WDPCP: variants seen among roughly 807,000 people sequenced by gnomAD.
WDPCP encodes WD repeat containing planar cell polarity effector, also known as WD repeat-containing and planar cell polarity effector protein fritz homolog.
A neutral mutation model predicts 93.1 loss-of-function variants in WDPCP; 71 were observed. The observed-to-expected ratio is 0.76, with a 90% CI of 0.63 to 0.93. The LOEUF is 0.93. Among genes scored for constraint, WDPCP ranks in the 40% least tolerant of loss-of-function variants. WDPCP has a pLI of 0.00. For missense variants in WDPCP, 844 were observed against 887.4 expected, an observed-to-expected ratio of 0.95 and a Z score of 0.62; for synonymous variants, 315 against 315.0, an observed-to-expected ratio of 1.00 and a Z score of 0.00.
At chr2:63,479,837 C>T (rs1457312779) in intron 6 of WDPCP, among the ~76,000 whole-genome samples, 2 of 151,954 alleles carry the variant, frequency 1.3e-5, no homozygotes, top group African/African-American at 4.8e-5. Context: ...AGGATGCTGA[C>T]TCTCAACACT....
chr2:63,626,677 C>CAG (rs1265038694), intron 3 of WDPCP, among the ~76,000 whole-genome samples: 9 of 152,152 alleles, frequency 5.9e-5, no homozygotes, highest in Non-Finnish European at 1.0e-4. Context: ...CAGGAAACAA[C>CAG]AGATGATGGA....
chr2:63,382,658 T>TATC (rs924366365), intron 10 of WDPCP, among the ~76,000 whole-genome samples: 2 of 152,062 alleles, frequency 1.3e-5, no homozygotes, highest in Admixed American at 6.6e-5. Context: ...TTTTTATTAC[T>TATC]ATCATCATCA....
intron 14 of WDPCP, among the ~76,000 whole-genome samples, chr2:63,253,590 C>G (rs1680910426): frequency 6.6e-6 from 1 of 152,120 alleles, no homozygotes; most frequent in African/African-American, 2.4e-5. Context: ...ATGACATGAA[C>G]AATCATTACT....
chr2:63,336,222 G>A (rs927843143), intron 12 of WDPCP, among the ~76,000 whole-genome samples: 3 of 152,056 alleles, frequency 2.0e-5, no homozygotes, highest in Admixed American at 2.0e-4. Context: ...CCTCTCTTGG[G>A]GTCTGGATCA....
At chr2:63,838,306 T>C in the WDPCP span, among the ~76,000 whole-genome samples, 3 of 152,144 alleles carry the variant, frequency 2.0e-5, no homozygotes, top group Non-Finnish European at 4.4e-5. Context: ...AGCTCCTGTC[T>C]AAAGCAAAGG....
intron 3 of WDPCP, among the ~76,000 whole-genome samples, chr2:63,616,169 G>T (rs1272204499): frequency 6.6e-6 from 1 of 152,154 alleles, no homozygotes; most frequent in Non-Finnish European, 1.5e-5. Flanking sequence ...ACTTACAGAG[G>T]TGAGAATCTA....
chr2:63,562,306 G>A (rs181387010), intron 1 of WDPCP, among the ~76,000 whole-genome samples: 262 of 152,228 alleles, frequency 1.7e-3, no homozygotes, highest in Non-Finnish European at 2.8e-3. Flanking sequence ...ACTTATAAGT[G>A]GGAGCTGAAC....
At chr2:63,409,050 G>T (rs2105243321) in intron 9 of WDPCP, among the ~76,000 whole-genome samples, 1 of 152,282 alleles carries the variant, frequency 6.6e-6, no homozygotes. Flanking sequence ...TACCACAGCT[G>T]ATGCTCTCTG....
intron 2 of WDPCP, among the ~76,000 whole-genome samples, chr2:63,695,111 AT>A (rs1668946326): frequency 6.6e-6 from 1 of 152,178 alleles, no homozygotes; most frequent in Non-Finnish European, 1.5e-5. Flanking sequence ...TACTTGTCTT[AT>A]TTCCCTTATT....
At chr2:63,584,485 G>T (rs1266968207) in intron 1 of WDPCP, among the ~76,000 whole-genome samples, 2 of 151,936 alleles carry the variant, frequency 1.3e-5, no homozygotes, top group East Asian at 3.8e-4. Flanking sequence ...CATTTTCAAT[G>T]AATCCAATGA....
chr2:63,327,928 A>T (rs749395725), intron 12 of WDPCP, among the ~76,000 whole-genome samples: 1 of 152,168 alleles, frequency 6.6e-6, no homozygotes, highest in Non-Finnish European at 1.5e-5. Flanking sequence ...TGGCCTAAAG[A>T]GTTCCCCTCT....
intron 2 of WDPCP, among the ~76,000 whole-genome samples, chr2:63,786,332 A>G (rs1297320076): frequency 3.2e-4 from 48 of 152,068 alleles, no homozygotes; most frequent in Non-Finnish European, 2.9e-5. Flanking sequence ...TTTTTATGTG[A>G]TATTCAACTA....
intron 14 of WDPCP, among the ~76,000 whole-genome samples, chr2:63,256,416 C>T (rs187634679): frequency 1.2e-4 from 19 of 152,134 alleles, no homozygotes; most frequent in East Asian, 1.2e-3. Context: ...CCTTTTCCAC[C>T]GGAATGGCTA....
intron 6 of WDPCP, among the ~76,000 whole-genome samples, chr2:63,480,536 G>A (rs1304150627): frequency 6.6e-6 from 1 of 151,912 alleles, no homozygotes; most frequent in Admixed American, 6.6e-5. Context: ...ATAAAAATAG[G>A]CACATAGACC....
chr2:63,513,226 A>C (rs966111524), intron 1 of WDPCP, among the ~76,000 whole-genome samples: 5 of 152,232 alleles, frequency 3.3e-5, no homozygotes, highest in African/African-American at 9.6e-5. Flanking sequence ...GCAGAGAAAA[A>C]AGTTGTACAA....
At chr2:63,623,694 T>G (rs1184217002) in intron 3 of WDPCP, among the ~76,000 whole-genome samples, 3 of 152,164 alleles carry the variant, frequency 2.0e-5, no homozygotes, top group Non-Finnish European at 4.4e-5. Context: ...AAGCAAGTTC[T>G]TAGAGACCTA....
intron 17 of WDPCP, among the ~76,000 whole-genome samples, chr2:63,149,685 G>C (rs1671762061): frequency 6.6e-6 from 1 of 152,144 alleles, no homozygotes; most frequent in Non-Finnish European, 1.5e-5. Flanking sequence ...ACATATGTCA[G>C]CATGGCTATA....
intron 1 of WDPCP, among the ~76,000 whole-genome samples, chr2:63,584,510 T>C (rs1320587242): frequency 1.3e-5 from 2 of 152,018 alleles, no homozygotes; most frequent in Non-Finnish European, 2.9e-5. Flanking sequence ...GAATTCATTT[T>C]CAATCAATCC....
chr2:63,565,075 C>T (rs954844755), intron 1 of WDPCP, among the ~76,000 whole-genome samples: 2 of 152,046 alleles, frequency 1.3e-5, no homozygotes, highest in Admixed American at 6.6e-5. Flanking sequence ...GGCACCTGGC[C>T]AAAACTGCAC....
Sources: gnomAD v4.1 joint callset for allele counts (sites outside exome capture counted in the v4.1 genomes callset) on GRCh38, gnomAD v4.1.1 for gene constraint, MANE v1.5 for transcripts, NCBI Gene and HGNC (gene_info 2026-07-23, HGNC 2026-07-21) for gene names.